The following SPAG16 variants were observed in gnomAD, a reference collection of about 807,000 sequenced individuals.
The protein encoded by SPAG16 is sperm associated antigen 16.
A neutral mutation model predicts 80.4 loss-of-function variants in SPAG16; 86 were observed. The observed-to-expected ratio is 1.07, with a 90% CI of 0.90 to 1.28. The LOEUF (loss-of-function observed/expected upper bound fraction) is 1.28. Ranked by LOEUF, SPAG16 falls within the 50% of genes most tolerant of loss-of-function variation. The pLI is 0.00. For synonymous variants in SPAG16, 294 were observed against 265.9 expected (o/e 1.11, Z -1.03); for missense variants, 870 against 765.3 (o/e 1.14, Z -1.61).
chr2:213,624,484 G>A (rs13020325), intron 10 of SPAG16, among the ~76,000 whole-genome samples: 66,073 of 151,808 alleles, frequency 0.44, 15,270 homozygotes, highest in African/African-American at 0.58. Context: ...AGTTTTAACA[G>A]AGTTTATAGC....
chr2:213,297,360 G>A lies in SPAG16; in HGVS notation c.279+3G>A. ...AGGCTACAGATACTGAAATTTTGGT[G>A]AGAATTTGAACACTAGTGTAGTCTA... On this transcript the variant is annotated splice_donor_region_variant and intron_variant, in intron 3 of 15. Coordinates refer to ENST00000331683, the MANE Select transcript of SPAG16 (RefSeq NM_024532.5). The A allele has an allele frequency of 6.3e-7, 1 of 1,593,866 alleles. No individual in the cohort carries two copies. Among genetic ancestry groups the A allele is most frequent in the Non-Finnish European group, 8.6e-7 (1 of 1,165,918 alleles).
intron 9 of SPAG16, among the ~76,000 whole-genome samples, chr2:213,413,592 A>C (rs921562757): frequency 1.3e-5 from 2 of 152,142 alleles, no homozygotes; most frequent in African/African-American, 4.8e-5. Flanking sequence ...TATATTTTAA[A>C]TATGTTTTTA....
chr2:213,832,922 T>C (rs1053713486), intron 10 of SPAG16, among the ~76,000 whole-genome samples: 4 of 152,036 alleles, frequency 2.6e-5, no homozygotes, highest in African/African-American at 4.8e-5. Flanking sequence ...ATCAAACCAT[T>C]CCACCTCTAC....
At chr2:213,333,970 C>T (rs1191967176) in intron 5 of SPAG16, among the ~76,000 whole-genome samples, 2 of 151,768 alleles carry the variant, frequency 1.3e-5, no homozygotes, top group Non-Finnish European at 2.9e-5. Flanking sequence ...GGACAAATGG[C>T]ATCACATCAA....
intron 13 of SPAG16, among the ~76,000 whole-genome samples, chr2:214,054,706 G>T (rs2049843553): frequency 6.6e-6 from 1 of 152,066 alleles, no homozygotes; most frequent in South Asian, 2.1e-4. Context: ...AAATGTATTT[G>T]TGTTCCTCTC....
intron 2 of SPAG16, chr2:213,296,982 T>G: frequency 3.7e-6 from 4 of 1,081,778 alleles, no homozygotes; most frequent in Non-Finnish European, 4.8e-6. Context: ...AGCCTTATTA[T>G]TTTTTCAGCA....
At chr2:213,363,223 T>G (rs1475394590) in intron 7 of SPAG16, among the ~76,000 whole-genome samples, 1 of 152,162 alleles carries the variant, frequency 6.6e-6, no homozygotes, top group Non-Finnish European at 1.5e-5. Flanking sequence ...TTCTCAGTAC[T>G]ACATTAGCAA....
chr2:213,715,984 T>C (rs546913774), intron 10 of SPAG16, among the ~76,000 whole-genome samples: 1 of 152,202 alleles, frequency 6.6e-6, no homozygotes, highest in African/African-American at 2.4e-5. Context: ...GTGATAAAAC[T>C]ATTATCAAGG....
At chr2:214,289,741 A>G (rs1403712972) in intron 15 of SPAG16, among the ~76,000 whole-genome samples, 1 of 150,148 alleles carries the variant, frequency 6.7e-6, no homozygotes, top group African/African-American at 2.5e-5. Flanking sequence ...TGAATTCTAT[A>G]ATTTTTTTTA....
chr2:213,747,982 C>T (rs2067907522), intron 10 of SPAG16, among the ~76,000 whole-genome samples: 1 of 152,164 alleles, frequency 6.6e-6, no homozygotes, highest in African/African-American at 2.4e-5. Context: ...GGTTCTATAG[C>T]AATTAATTTA....
intron 11 of SPAG16, among the ~76,000 whole-genome samples, chr2:213,870,645 GA>G (rs1168620743): frequency 6.6e-6 from 1 of 152,118 alleles, no homozygotes; most frequent in Non-Finnish European, 1.5e-5. Flanking sequence ...TGTTCCACGA[GA>G]AAATATATAT....
At chr2:213,686,020 G>T (rs539098202) in intron 10 of SPAG16, among the ~76,000 whole-genome samples, 9 of 152,246 alleles carry the variant, frequency 5.9e-5, no homozygotes, top group Admixed American at 1.3e-4. Context: ...AATTATAAAG[G>T]TATCATAATC....
Position 214,187,559 on chromosome 2 carries a change from A to G in SPAG16, c.1720+38293A>G, listed in dbSNP as rs182871294. 2.6e-3 allele frequency among the ~76,000 whole-genome samples: 394 copies of G among 152,236 alleles called. 2 individuals carry two copies. The highest frequency in any genetic ancestry group is 5.0e-3 in the Non-Finnish European group (337 of 68,014). On this transcript the variant is annotated intron_variant, in intron 15 of 15. Coordinates refer to ENST00000331683, the MANE Select transcript of SPAG16 (RefSeq NM_024532.5). ...TTAAACTAACATCTTACTGGCCCAT[A>G]TGAACAATATCATCTCCCCTAGCTT...
intron 13 of SPAG16, among the ~76,000 whole-genome samples, chr2:214,092,085 AC>A (rs1159836276): frequency 6.6e-6 from 1 of 152,084 alleles, no homozygotes; most frequent in Non-Finnish European, 1.5e-5. Flanking sequence ...TATTTTATTG[AC>A]TATATAGTAG....
intron 9 of SPAG16, among the ~76,000 whole-genome samples, chr2:213,400,951 G>GC (rs924115821): frequency 1.3e-5 from 2 of 152,016 alleles, no homozygotes; most frequent in Non-Finnish European, 2.9e-5. Flanking sequence ...GGGACTACAG[G>GC]CCTGCACCAC....
chr2:213,709,186 T>C (rs1313456960), intron 10 of SPAG16, among the ~76,000 whole-genome samples: 2 of 152,218 alleles, frequency 1.3e-5, no homozygotes, highest in African/African-American at 2.4e-5. Flanking sequence ...TGGCAATCCA[T>C]GGCCCTCTTG....
At position 213,439,784 on chromosome 2, in the gene SPAG16, T is replaced by C. The variant is rs147950799; in HGVS notation, c.943-50179T>C. ...AAATTGTAGATAAACTCAGAATTAA[T>C]AAGTGAATTTAGCAAAGTTACTGGA... On this transcript the variant is annotated intron_variant, in intron 9 of 15. Transcript: ENST00000331683. Among the ~76,000 whole-genome samples the C allele has an allele frequency of 1.9e-3, 291 of 152,292 alleles. 1 individual carries two copies. Among genetic ancestry groups the C allele is most frequent in the African/African-American group, 6.3e-3 (260 of 41,568 alleles).
intron 10 of SPAG16, among the ~76,000 whole-genome samples, chr2:213,510,000 A>G (rs2075159187): frequency 6.6e-6 from 1 of 152,334 alleles, no homozygotes; most frequent in South Asian, 2.1e-4. Flanking sequence ...CACCGATCCT[A>G]CAGAAATACA....
intron 10 of SPAG16, among the ~76,000 whole-genome samples, chr2:213,517,740 C>A (rs534212067): frequency 6.6e-6 from 1 of 152,028 alleles, no homozygotes; most frequent in Non-Finnish European, 1.5e-5. Context: ...CTGGGACAAT[C>A]GGCCCGTTAT....
Sources: allele counts gnomAD v4.1 joint callset (sites outside exome capture counted in the v4.1 genomes callset), GRCh38; gene constraint gnomAD v4.1.1; transcripts MANE v1.5; gene names NCBI Gene and HGNC (gene_info 2026-07-23, HGNC 2026-07-21).